The following SEC11A variants were observed in gnomAD, a reference collection of about 807,000 sequenced individuals.
SEC11A encodes signal peptidase complex catalytic subunit SEC11A.
A neutral mutation model predicts 25.6 loss-of-function variants in SEC11A; 14 were observed. The observed-to-expected ratio is 0.55, with a 90% CI of 0.36 to 0.85. The LOEUF (loss-of-function observed/expected upper bound fraction) is 0.85, where lower values mean the gene tolerates loss of function less well. SEC11A is among the 40% of genes least tolerant of loss of function. The probability of loss-of-function intolerance (pLI) is 0.01; values close to 1 mark genes in which losing one functional copy is unlikely to be tolerated. For synonymous variants in SEC11A, 83 were observed against 76.4 expected (o/e 1.09, Z -0.45); for missense variants, 153 against 222.9 (o/e 0.69, Z 2.00).
At chr15:84,714,085 G>A (rs186347072) in intron 1 of SEC11A, among the ~76,000 whole-genome samples, 63 of 132,602 alleles carry the variant, frequency 4.8e-4, no homozygotes, top group African/African-American at 1.6e-3. Flanking sequence ...GCGGTGGCAC[G>A]ATCTCAGCTC....
intron 1 of SEC11A, among the ~76,000 whole-genome samples, chr15:84,715,602 C>T (rs1898436100): frequency 6.6e-6 from 1 of 152,152 alleles, no homozygotes; most frequent in Admixed American, 6.6e-5. Context: ...TTTGTGGGGC[C>T]TCCAATCGCC....
At chr15:84,714,788 GC>G (rs1172227561) in intron 1 of SEC11A, 3 of 152,136 alleles carry the variant, frequency 2.0e-5, no homozygotes, top group African/African-American at 7.2e-5. Flanking sequence ...TTATTGTTTT[GC>G]CTTAGTCCTT....
intron 1 of SEC11A, among the ~76,000 whole-genome samples, chr15:84,704,683 C>G (rs1011380813): frequency 6.6e-6 from 1 of 152,112 alleles, no homozygotes; most frequent in Admixed American, 6.6e-5. Context: ...CACTCTCTGC[C>G]AAATTTCTTA....
chr15:84,691,596 T>C lies in SEC11A; in HGVS notation c.100A>G (p.Met34Val), dbSNP rs1179942733. The C allele has an allele frequency of 6.2e-7, 1 of 1,613,170 alleles. No individual in the cohort carries two copies. Among genetic ancestry groups the C allele is most frequent in the South Asian group, 1.1e-5 (1 of 91,014 alleles). Residue 34 changes from methionine to valine, a missense_variant, in exon 2 of 6, where the codon ATG becomes GTG. Physicochemically the swap from Met to Val is conservative, Grantham distance 21. Transcript: ENST00000268220. Reference sequence around the variant, plus strand: ...ATTACCATTAACCCCTTCCAGATCATTAGTGCCGATGAGACAATCATTCCA... The same window carrying C: ...ATTACCATTAACCCCTTCCAGATCACTAGTGCCGATGAGACAATCATTCCA... ...NFGMIVSSALMIWKGLMVITG... is the reference protein window; with the variant it reads ...NFGMIVSSALVIWKGLMVITG...
intron 4 of SEC11A, among the ~76,000 whole-genome samples, chr15:84,678,801 T>C (rs1345261299): frequency 6.6e-6 from 1 of 152,110 alleles, no homozygotes; most frequent in Non-Finnish European, 1.5e-5. Flanking sequence ...GAGACCAGCC[T>C]GGGCAACATA....
chr15:84,689,992 C>T (rs567710243), intron 2 of SEC11A, among the ~76,000 whole-genome samples: 4 of 152,144 alleles, frequency 2.6e-5, no homozygotes, highest in African/African-American at 7.2e-5. Flanking sequence ...AGAGTGGTTG[C>T]GCATGGTGGC....
chr15:84,691,344 G>T (rs1596076044), intron 2 of SEC11A, among the ~76,000 whole-genome samples, 191 bp downstream of exon 2: 1 of 152,092 alleles, frequency 6.6e-6, no homozygotes, highest in African/African-American at 2.4e-5. Flanking sequence ...AAATTGGTGG[G>T]ATTACAGGCA....
At chr15:84,709,520 A>C (rs1898198528) in intron 1 of SEC11A, among the ~76,000 whole-genome samples, 1 of 147,382 alleles carries the variant, frequency 6.8e-6, no homozygotes, top group Non-Finnish European at 1.5e-5. Flanking sequence ...TTGGCTCACT[A>C]CGACCACCGT....
intron 1 of SEC11A, among the ~76,000 whole-genome samples, chr15:84,708,206 A>C (rs974770201): frequency 4.4e-4 from 30 of 68,942 alleles, no homozygotes; most frequent in African/African-American, 1.3e-3. Flanking sequence ...GCTCTGTCTC[A>C]AAAAAAAAAA....
chr15:84,684,942 C>CA (rs1410561882), intron 3 of SEC11A, among the ~76,000 whole-genome samples: 1 of 151,594 alleles, frequency 6.6e-6, no homozygotes, highest in East Asian at 1.9e-4. Context: ...AAAGAAAAAA[C>CA]AAAAAACAAA....
chr15:84,705,528 CTCA>C (rs1898068374), intron 1 of SEC11A, among the ~76,000 whole-genome samples: 5 of 152,184 alleles, frequency 3.3e-5, no homozygotes, highest in Admixed American at 3.3e-4. Flanking sequence ...TGTGACTCCT[CTCA>C]TTATTACCCC....
In SEC11A at chr15:84,691,780, A is replaced by T. The variant is rs1215827981; in HGVS notation, c.52-136T>A. ...GTTCTGAGACATTCTTTAATACATT[A>T]TAATAATTATGCCATCAGCAGATCA... is the stretch of plus-strand genomic sequence containing the variant. On this transcript the variant is annotated intron_variant, in intron 1 of 5. Coordinates refer to ENST00000268220, the MANE Select transcript of SEC11A (RefSeq NM_014300.4). The T allele has an allele frequency of 5.7e-6, 3 of 527,540 alleles. No individual in the cohort carries two copies. In the African/African-American group the frequency reaches 5.9e-5, roughly 10 times the overall value. 32.7% of individuals were successfully genotyped at this position (527,540 alleles called of 1,614,324 possible). A position where few individuals can be genotyped will look rare whatever the true frequency, so the allele number is the denominator to read the frequency against.
At chr15:84,710,790 C>G (rs1379010780) in intron 1 of SEC11A, among the ~76,000 whole-genome samples, 2 of 152,074 alleles carry the variant, frequency 1.3e-5, no homozygotes, top group Non-Finnish European at 2.9e-5. Flanking sequence ...TTTCTGCACA[C>G]AAAAACCACC....
intron 4 of SEC11A, among the ~76,000 whole-genome samples, chr15:84,677,745 T>C (rs1202673239): frequency 6.6e-6 from 1 of 152,138 alleles, no homozygotes; most frequent in African/African-American, 2.4e-5. Flanking sequence ...AGTGCTGGGA[T>C]TGCAGGCGTT....
At chr15:84,676,901 G>T (rs943119203) in intron 4 of SEC11A, among the ~76,000 whole-genome samples, 1 of 151,914 alleles carries the variant, frequency 6.6e-6, no homozygotes, top group Non-Finnish European at 1.5e-5. Context: ...GACCAGCCTG[G>T]GCAACACAAG....
At chr15:84,694,863 A>G (rs1387325309) in intron 1 of SEC11A, among the ~76,000 whole-genome samples, 1 of 151,072 alleles carries the variant, frequency 6.6e-6, no homozygotes, top group Non-Finnish European at 1.5e-5. Context: ...AGGCCGAGGC[A>G]GGCGGATCAC....
intron 1 of SEC11A, among the ~76,000 whole-genome samples, chr15:84,693,442 C>A (rs1479534486): frequency 7.3e-6 from 1 of 137,706 alleles, no homozygotes; most frequent in Admixed American, 8.1e-5. Context: ...TTAGGAAATT[C>A]ATGTTTTCTT....
chr15:84,671,092 T>C (rs1346374482), intron 4 of SEC11A: 1 of 198,226 alleles, frequency 5.0e-6, no homozygotes, highest in East Asian at 1.2e-4. Context: ...GTTGATACAG[T>C]GCTAGGGGCT....
chr15:84,701,353 CTT>C (rs558198525), intron 1 of SEC11A, among the ~76,000 whole-genome samples: 95 of 151,384 alleles, frequency 6.3e-4, no homozygotes, highest in Non-Finnish European at 1.0e-3. Context: ...GAGTTTTGCT[CTT>C]GTTGCCTAGG....
Sources: allele counts gnomAD v4.1 joint callset (sites outside exome capture counted in the v4.1 genomes callset), GRCh38; gene constraint gnomAD v4.1.1; transcripts MANE v1.5; gene names NCBI Gene and HGNC (gene_info 2026-07-23, HGNC 2026-07-21).